DRGX: variants seen among roughly 807,000 people sequenced by gnomAD.
The protein encoded by DRGX is dorsal root ganglia homeobox, also known as dorsal root ganglia homeobox protein.
In DRGX, 21 loss-of-function variants were observed where a neutral mutation model predicts 28.6. The ratio of observed to expected loss-of-function variants is 0.73; its 90% CI spans 0.52 to 1.06. DRGX has a LOEUF of 1.06. Among genes scored for constraint, DRGX ranks in the 50% least tolerant of loss-of-function variants. The probability of loss-of-function intolerance (pLI) is 0.00; values close to 1 mark genes in which losing one functional copy is unlikely to be tolerated. For synonymous variants in DRGX, 136 were observed against 139.1 expected (o/e 0.98, Z 0.16); for missense variants, 354 against 343.9 (o/e 1.03, Z -0.23).
chr10:49,376,164 C>T (rs1258599665), intron 6 of DRGX, among the ~76,000 whole-genome samples: 1 of 152,200 alleles, frequency 6.6e-6, no homozygotes, highest in African/African-American at 2.4e-5. Context: ...TCTATCTCTT[C>T]TCCAGGCCTC....
chr10:49,389,855 T>C (rs1156577207), intron 4 of DRGX, among the ~76,000 whole-genome samples: 5 of 151,302 alleles, frequency 3.3e-5, no homozygotes, highest in Admixed American at 2.6e-4. Context: ...TTTTTTTTTT[T>C]CCAAAGCAAG....
intron 4 of DRGX, among the ~76,000 whole-genome samples, chr10:49,387,154 T>G (rs1037262261): frequency 1.3e-5 from 2 of 152,238 alleles, no homozygotes; most frequent in Non-Finnish European, 1.5e-5. Flanking sequence ...ATTTATTTGT[T>G]GTGAAATGTA....
At chr10:49,381,982 G>A (rs1020028031) in intron 6 of DRGX, among the ~76,000 whole-genome samples, 9 of 152,164 alleles carry the variant, frequency 5.9e-5, no homozygotes, top group Non-Finnish European at 1.2e-4. Flanking sequence ...GCTTGGAGAA[G>A]TGGTTGGGAT....
intron 6 of DRGX, among the ~76,000 whole-genome samples, chr10:49,384,766 C>T (rs981734723): frequency 5.9e-5 from 9 of 152,324 alleles, no homozygotes; most frequent in African/African-American, 2.2e-4. Context: ...CTCTCACACA[C>T]TGCCCTCGGT....
rs1362757357 is a variant in DRGX, at chr10:49,364,247, C to T, written c.*1869G>A. 6.6e-6 allele frequency: 1 copy of T among 152,224 alleles called. No homozygotes were observed. Among genetic ancestry groups the T allele is most frequent in the East Asian group, 1.9e-4 (1 of 5,204 alleles). The allele number at this position is 152,224 out of a possible 1,614,324, so 9.4% of individuals were successfully genotyped here. ...CTTTTCGATATGATCCAGTTTTGCA[C>T]AGTCACTAGAGTGTCGCATCATGAA... On this transcript the variant is annotated 3_prime_UTR_variant, in exon 7 of 7. Coordinates refer to ENST00000374139, the MANE Select transcript of DRGX (RefSeq NM_001276451.2).
chr10:49,379,500 G>A (rs887996016), intron 6 of DRGX, among the ~76,000 whole-genome samples: 1 of 152,176 alleles, frequency 6.6e-6, no homozygotes, highest in African/African-American at 2.4e-5. Flanking sequence ...ATGGTTTTGG[G>A]GGGCCTCAGA....
chr10:49,374,562 A>G lies in DRGX; in HGVS notation c.527-8181T>C, dbSNP rs560415212. ...ACTACCTCCTGGACACTAAATTAAAACACACAATTTGATTTCCATTAAGTT... is the reference window on the plus strand; with the variant it reads ...ACTACCTCCTGGACACTAAATTAAAGCACACAATTTGATTTCCATTAAGTT... On this transcript the variant is annotated intron_variant, in intron 6 of 6. Transcript: ENST00000374139. 3.9e-5 allele frequency among the ~76,000 whole-genome samples: 6 copies of G among 152,298 alleles called. No individual in the cohort carries two copies. The South Asian group carries it at 1.0e-3, about 26-fold the overall frequency.
At position 49,366,098 on chromosome 10, in the gene DRGX, G is replaced by GC. The variant is rs1849595710; in HGVS notation, c.*17dup. On this transcript the variant is annotated 3_prime_UTR_variant, in exon 7 of 7. Coordinates refer to ENST00000374139, the MANE Select transcript of DRGX (RefSeq NM_001276451.2). Reference sequence around the variant, plus strand: ...GGAGGGGCGGGGGAGGGCAGGCCGGGCGGGGCACTGTGGACCCTCATACAC... The same window carrying GC: ...GGAGGGGCGGGGGAGGGCAGGCCGGGCCGGGGCACTGTGGACCCTCATACAC... 6.5e-7 allele frequency: 1 copy of GC among 1,530,744 alleles called. No homozygotes were observed. Among genetic ancestry groups the GC allele is most frequent in the South Asian group, 1.3e-5 (1 of 78,360 alleles). The allele number at this position is 1,530,744 out of a possible 1,614,324, so 94.8% of individuals were successfully genotyped here.
rs1040323209 is a variant in DRGX at position 49,395,954 on chromosome 10, G to A, written c.-101C>T. 6.5e-6 allele frequency: 1 copy of A among 154,816 alleles called. No individual in the cohort carries two copies. The highest frequency in any genetic ancestry group is 1.4e-5 in the Non-Finnish European group (1 of 69,968). The allele number at this position is 154,816 out of a possible 1,614,324, so 9.6% of individuals were successfully genotyped here. ...GCATACCTCGGCGGGCGGCGGTCGA[G>A]GAGGTCGGAGCGTGACCGCCTCCGA... On this transcript the variant is annotated 5_prime_UTR_variant, in exon 1 of 7. Transcript: ENST00000374139.
At chr10:49,377,371 A>G (rs1249370861) in intron 6 of DRGX, among the ~76,000 whole-genome samples, 1 of 152,240 alleles carries the variant, frequency 6.6e-6, no homozygotes, top group African/African-American at 2.4e-5. Context: ...GGCAGGGGCC[A>G]GCATAACCTT....
chr10:49,381,333 C>T (rs1849774012), intron 6 of DRGX, among the ~76,000 whole-genome samples: 1 of 152,212 alleles, frequency 6.6e-6, no homozygotes, highest in South Asian at 2.1e-4. Context: ...TGGCCAGCCT[C>T]ATTGGAGTGG....
At position 49,375,342 on chromosome 10, in the gene DRGX, AG is replaced by A. The variant is rs778193269; in HGVS notation, c.527-8962del. Reference sequence around the variant, plus strand: ...CCATTTTGGTACAAAGTAAACACTCAGTGAATATTTGGTGAAGGGAGAAAAG... The same window carrying A: ...CCATTTTGGTACAAAGTAAACACTCATGAATATTTGGTGAAGGGAGAAAAG... On this transcript the variant is annotated intron_variant, in intron 6 of 6. Coordinates refer to ENST00000374139, the MANE Select transcript of DRGX (RefSeq NM_001276451.2). 7.8e-4 allele frequency among the ~76,000 whole-genome samples: 119 copies of A among 152,344 alleles called. 1 individual carries two copies. Among genetic ancestry groups the A allele is most frequent in the Non-Finnish European group, 1.1e-3 (76 of 68,042 alleles).
intron 6 of DRGX, among the ~76,000 whole-genome samples, chr10:49,370,189 G>C (rs2132469757): frequency 6.6e-6 from 1 of 152,282 alleles, no homozygotes; most frequent in African/African-American, 2.4e-5. Flanking sequence ...TGGATCACCT[G>C]AGGTCTGGAG....
intron 2 of DRGX, among the ~76,000 whole-genome samples, chr10:49,394,319 G>A (rs998105774): frequency 2.0e-5 from 3 of 152,164 alleles, no homozygotes; most frequent in Non-Finnish European, 4.4e-5. Context: ...CCACTGCTCA[G>A]GGCAGCCTGC....
intron 6 of DRGX, among the ~76,000 whole-genome samples, chr10:49,376,293 A>T (rs1849715924): frequency 6.6e-6 from 1 of 152,198 alleles, no homozygotes; most frequent in African/African-American, 2.4e-5. Flanking sequence ...GGCATGGAGG[A>T]GCCAGGGCTG....
At chr10:49,384,965 C>G (rs370837730) in intron 6 of DRGX, among the ~76,000 whole-genome samples, 1 of 152,180 alleles carries the variant, frequency 6.6e-6, no homozygotes, top group Non-Finnish European at 1.5e-5. Flanking sequence ...TGGCCCTTGT[C>G]GAAGCAGACA....
At chr10:49,395,297 T>C in intron 2 of DRGX, 110 bp downstream of exon 2, 7 of 1,370,352 alleles carry the variant, frequency 5.1e-6, no homozygotes, top group Non-Finnish European at 3.0e-6. Flanking sequence ...GGCAGGCGGC[T>C]GCGCCCCCCG....
At position 49,386,835 on chromosome 10, in the gene DRGX, G is replaced by A. The variant is rs1849846013; in HGVS notation, c.258C>T (p.Ala86=). ...RVQVWFQNRR[A]KWRKTERGAS... ...CCCCTCTCTCTGTCTTCCTCCATTT[G>A]GCCCTTCTGTTCTGGAACCAAACCT... The change falls in exon 5 of 7, where the codon GCC becomes GCT. Residue 86 remains alanine, a synonymous_variant. Coordinates refer to ENST00000374139, the MANE Select transcript of DRGX (RefSeq NM_001276451.2). 1.3e-6 allele frequency: 2 copies of A among 1,575,108 alleles called. No homozygotes were observed. The highest frequency in any genetic ancestry group is 1.4e-5 in the African/African-American group (1 of 72,882).
chr10:49,364,323 T>C lies in DRGX; in HGVS notation c.*1793A>G, dbSNP rs1053224904. 3 of 152,260 alleles carry C rather than the reference T, an allele frequency of 2.0e-5. No homozygotes were observed. In the East Asian group the frequency reaches 5.8e-4, roughly 29 times the overall value. 9.4% of individuals were successfully genotyped at this position (152,260 alleles called of 1,614,324 possible). On this transcript the variant is annotated 3_prime_UTR_variant, in exon 7 of 7. Transcript: ENST00000374139. ...TACATAATTTCTTATCAATTATTCATGCTAATGTGTGTGTAGTTTACTTAA... is the reference window on the plus strand; with the variant it reads ...TACATAATTTCTTATCAATTATTCACGCTAATGTGTGTGTAGTTTACTTAA...
Sources: gnomAD v4.1 joint callset for allele counts (sites outside exome capture counted in the v4.1 genomes callset) on GRCh38, gnomAD v4.1.1 for gene constraint, MANE v1.5 for transcripts, NCBI Gene and HGNC (gene_info 2026-07-23, HGNC 2026-07-21) for gene names.